LYST: variants seen among roughly 807,000 people sequenced by gnomAD.
LYST encodes lysosomal-trafficking regulator.
Under a neutral mutation model 413.6 loss-of-function variants are expected in LYST, and 192 were observed. That is an observed-to-expected ratio of 0.46 (90% CI 0.41 to 0.52). The LOEUF is 0.52. LYST is among the 20% of genes least tolerant of loss of function. The pLI is 0.00. For synonymous variants in LYST, 1,525 were observed against 1,567.3 expected (o/e 0.97, Z 0.64); for missense variants, 3,815 against 4,499.9 (o/e 0.85, Z 4.35).
intron 39 of LYST, 95 bp downstream of exon 39, chr1:235,723,932 CG>C (rs1663616018): frequency 9.2e-7 from 1 of 1,088,824 alleles, no homozygotes; most frequent in Non-Finnish European, 1.4e-6. Flanking sequence ...CAATTTTATT[CG>C]ATTTCAGTAA....
intron 34 of LYST, 90 bp downstream of exon 34, chr1:235,733,413 T>A (rs774640755): frequency 5.5e-6 from 6 of 1,098,678 alleles, no homozygotes; most frequent in Admixed American, 1.8e-5. Flanking sequence ...AATGATTTTA[T>A]GAGTCTGAAT....
Position 235,754,227 on chromosome 1 carries a change from TTC to T in LYST, c.7230-955_7230-954del, listed in dbSNP as rs1186360631. Among the ~76,000 whole-genome samples, 65 of 101,574 alleles carry T rather than the reference TTC, an allele frequency of 6.4e-4. 2 individuals are homozygous for T. Among genetic ancestry groups the T allele is most frequent in the Non-Finnish European group, 1.4e-3 (55 of 38,034 alleles). 66.6% of individuals were successfully genotyped at this position (101,574 alleles called of 152,430 possible). A position where few individuals can be genotyped will look rare whatever the true frequency, so the allele number is the denominator to read the frequency against. On this transcript the variant is annotated intron_variant, in intron 25 of 52. Transcript: ENST00000389793. ...ATGAGCTATCTTTTTTTCTTTTCTTTTCTTTTTTTTTTTTTTTTTTTTGAGAT... is the reference window on the plus strand; with the variant it reads ...ATGAGCTATCTTTTTTTCTTTTCTTTTTTTTTTTTTTTTTTTTTTTGAGAT...
At chr1:235,785,357 CTG>C (rs931062156) in intron 14 of LYST, among the ~76,000 whole-genome samples, 1 of 152,184 alleles carries the variant, frequency 6.6e-6, no homozygotes, top group African/African-American at 2.4e-5. Context: ...CCTCATCAGA[CTG>C]TGAACTCCAG....
At chr1:235,718,105 C>A (rs1410905673) in intron 40 of LYST, among the ~76,000 whole-genome samples, 4 of 151,754 alleles carry the variant, frequency 2.6e-5, no homozygotes, top group African/African-American at 7.3e-5. Context: ...CTCAGGTGAT[C>A]CATCCACCTC....
Position 235,772,007 on chromosome 1 carries a change from G to A in LYST, c.5785-1710C>T, listed in dbSNP as rs536269800. On this transcript the variant is annotated intron_variant, in intron 19 of 52. Transcript: ENST00000389793. The stretch of plus-strand genomic sequence containing the variant: ...GGAGGCCAAGGCGGGAGGACTGCTT[G>A]AGCCCAGGAGTTTGAGACCAGCCTG... Among the ~76,000 whole-genome samples, 4 of 138,954 alleles carry A rather than the reference G, an allele frequency of 2.9e-5. No homozygotes were observed. In the East Asian group the frequency reaches 8.5e-4, roughly 30 times the overall value. The allele number at this position is 138,954 out of a possible 152,430, so 91.2% of individuals were successfully genotyped here. A position where few individuals can be genotyped will look rare whatever the true frequency, so the allele number is the denominator to read the frequency against.
At chr1:235,706,256 A>G (rs1046211487) in intron 44 of LYST, among the ~76,000 whole-genome samples, 4 of 152,152 alleles carry the variant, frequency 2.6e-5, no homozygotes, top group African/African-American at 9.7e-5. Context: ...TGCACGAAGG[A>G]CTTTTTGGCT....
chr1:235,813,193 T>C, intron 3 of LYST, 132 bp from the exon 4 acceptor site: 1 of 689,966 alleles, frequency 1.4e-6, no homozygotes, highest in Non-Finnish European at 2.7e-6. Flanking sequence ...AGAATCAAAT[T>C]AACCTATCTT....
intron 1 of LYST, among the ~76,000 whole-genome samples, chr1:235,848,660 T>C (rs962388605): frequency 1.1e-4 from 16 of 151,380 alleles, no homozygotes; most frequent in African/African-American, 3.9e-4. Flanking sequence ...AGAGAGAAAA[T>C]CCAAATGACC....
Position 235,806,172 on chromosome 1 carries a change from T to G in LYST, c.2964A>C (p.Arg988=). The G allele has an allele frequency of 6.2e-7, 1 of 1,613,864 alleles. No homozygotes were observed. The highest frequency in any genetic ancestry group is 1.1e-5 in the South Asian group (1 of 91,076). Reference sequence around the variant, plus strand: ...TCATAAATATTAACTTATGGCATACTCGGAAACCACCAAGCCTATAAAACT... The same window carrying G: ...TCATAAATATTAACTTATGGCATACGCGGAAACCACCAAGCCTATAAAACT... ...QKQFYRLGGF[R]VCHKLIFMII... is the part of the protein sequence containing the mutation. The change falls in exon 6 of 53, where the codon CGA becomes CGC. Residue 988 remains arginine (R), a synonymous_variant. Transcript: ENST00000389793.
At chr1:235,847,096 T>C (rs770380080) in intron 1 of LYST, among the ~76,000 whole-genome samples, 24 of 152,090 alleles carry the variant, frequency 1.6e-4, no homozygotes, top group Non-Finnish European at 2.8e-4. Context: ...AAAGTTAAGA[T>C]GAAGGAAAGA....
rs1253747803 is a variant in LYST at position 235,800,330 on chromosome 1, A to G, written c.3996T>C (p.Ser1332=). 6.3e-7 allele frequency: 1 copy of G among 1,582,894 alleles called. No homozygotes were observed. Among genetic ancestry groups the G allele is most frequent in the African/African-American group, 1.3e-5 (1 of 74,340 alleles). The change falls in exon 10 of 53, where the codon TCT becomes TCC. Residue 1332 remains serine (S), a synonymous_variant. Transcript: ENST00000389793. Reference sequence around the variant, plus strand: ...ACAGTTTCAACTTACCTTGAAAATCAGAATCATCCTGTGTTAAAATACTCA... The same window carrying G: ...ACAGTTTCAACTTACCTTGAAAATCGGAATCATCCTGTGTTAAAATACTCA... The part of the protein sequence containing the change: ...GFLSILTQDD[S]DFQACQRVLV...
chr1:235,712,701 G>A, intron 42 of LYST: 1 of 985,038 alleles, frequency 1.0e-6, no homozygotes, highest in Non-Finnish European at 1.2e-6. Context: ...TTTCGGGGGG[G>A]TGCGTAGGTT....
Position 235,793,552 on chromosome 1 carries a change from T to A in LYST, c.4067A>T (p.Glu1356Val). The A allele has an allele frequency of 6.2e-7, 1 of 1,601,228 alleles. No individual in the cohort carries two copies. The highest frequency in any genetic ancestry group is 8.5e-7 in the Non-Finnish European group (1 of 1,170,198). Residue 1356 changes from glutamate to valine, a missense_variant, in exon 11 of 53, where the codon GAA becomes GTA. Around this residue, in one of 4 missense-constraint regions of LYST, gnomAD observed 1,648 missense variants for 1,810.3 expected, o/e 0.91. Coordinates refer to ENST00000389793, the MANE Select transcript of LYST (RefSeq NM_000081.4). Reference protein sequence around the residue: ...VSLMSSRTCSEELTLLLRIFL... With the variant: ...VSLMSSRTCSVELTLLLRIFL... ...TATTCTCAAAAGAAGGGTTAGCTCT[T>A]CTGAACATGTTCTTGAACTCATCAA...
Position 235,716,796 on chromosome 1 carries a change from T to C in LYST, c.9561-18A>G. 1 of 1,451,708 alleles carries C rather than the reference T, an allele frequency of 6.9e-7. No individual in the cohort carries two copies. Among genetic ancestry groups the C allele is most frequent in the South Asian group, 1.1e-5 (1 of 87,360 alleles). 89.9% of individuals were successfully genotyped at this position (1,451,708 alleles called of 1,614,324 possible). On this transcript the variant is annotated intron_variant, in intron 40 of 52. Transcript: ENST00000389793. ...AGAGATTTCTGCAAGAAAAGGACAA[T>C]TTTAAAAATTAAATATTTTGATACT...
Position 235,808,510 on chromosome 1 carries a change from G to A in LYST, c.2308C>T (p.Pro770Ser), listed in dbSNP as rs753330380. 7 of 1,613,902 alleles carry A rather than the reference G, an allele frequency of 4.3e-6. No homozygotes were observed. The highest frequency in any genetic ancestry group is 5.9e-6 in the Non-Finnish European group (7 of 1,179,926). ...ACATAAATCTGAAGCACGTCCTGAG[G>A]CAAGCACTGGTTATGATGGCTACAT... ...HVCSHHNQCL[P>S]QDVLQIYVKT... Residue 770 changes from proline (P) to serine (S), a missense_variant, in exon 5 of 53, where the codon CCT becomes TCT. Coordinates refer to ENST00000389793, the MANE Select transcript of LYST (RefSeq NM_000081.4).
chr1:235,796,180 T>G (rs1671541883), intron 10 of LYST, among the ~76,000 whole-genome samples: 1 of 152,064 alleles, frequency 6.6e-6, no homozygotes, highest in South Asian at 2.1e-4. Context: ...GAGAAACTTA[T>G]TTTTTAAAAT....
At chr1:235,700,139 G>A (rs1198128227) in intron 45 of LYST, among the ~76,000 whole-genome samples, 1 of 152,106 alleles carries the variant, frequency 6.6e-6, no homozygotes, top group Non-Finnish European at 1.5e-5. Context: ...AACCTTAGAA[G>A]AAAATCTAGG....
chr1:235,843,104 T>C (rs1294054735), intron 1 of LYST, among the ~76,000 whole-genome samples: 1 of 152,114 alleles, frequency 6.6e-6, no homozygotes, highest in African/African-American at 2.4e-5. Flanking sequence ...AATCTCAAGC[T>C]CAACAACAGG....
chr1:235,869,611 AAC>A (rs1160531151), upstream of LYST, among the ~76,000 whole-genome samples: 2 of 152,272 alleles, frequency 1.3e-5, no homozygotes, highest in African/African-American at 4.8e-5. Context: ...AGCTTAAAAC[AAC>A]ACAGTCAACG....
Sources: gnomAD v4.1 joint callset for allele counts (sites outside exome capture counted in the v4.1 genomes callset) on GRCh38, gnomAD v4.1.1 for gene constraint, gnomAD v4.1.1 regional missense constraint, MANE v1.5 for transcripts, NCBI Gene and HGNC (gene_info 2026-07-23, HGNC 2026-07-21) for gene names.